EDRF1: variants seen among roughly 807,000 people sequenced by gnomAD.
The protein encoded by EDRF1 is erythroid differentiation regulatory factor 1, also known as erythroid differentiation-related factor 1.
EDRF1 carries 69 observed loss-of-function variants against 148.7 expected under a neutral mutation model. The ratio of observed to expected loss-of-function variants is 0.46; its 90% CI spans 0.38 to 0.57. EDRF1 has a LOEUF of 0.57. EDRF1 is among the 20% of genes least tolerant of loss of function. EDRF1 has a pLI of 0.00. For missense variants in EDRF1, 1,118 were observed against 1,478.7 expected (o/e 0.76, Z 4.00); for synonymous variants, 515 against 532.8 (o/e 0.97, Z 0.46).
At chr10:125,723,001 T>A in intron 2 of EDRF1, 67 bp from the exon 3 acceptor site, 1 of 1,238,526 alleles carries the variant, frequency 8.1e-7, no homozygotes, top group Non-Finnish European at 1.2e-6. Context: ...ACAGTATTGT[T>A]ATTAAGCTCT....
intron 24 of EDRF1, among the ~76,000 whole-genome samples, chr10:125,760,102 C>T (rs1282899504): frequency 1.3e-5 from 2 of 152,376 alleles, no homozygotes; most frequent in African/African-American, 2.4e-5. Context: ...TTAGCAGAGA[C>T]ATCCATCTTT....
Position 125,745,711 on chromosome 10 carries a change from C to T in EDRF1, c.2595C>T (p.Ser865=), listed in dbSNP as rs769148479. The T allele has an allele frequency of 1.2e-6, 2 of 1,614,016 alleles. No homozygotes were observed. Among genetic ancestry groups the T allele is most frequent in the Non-Finnish European group, 1.7e-6 (2 of 1,180,000 alleles). Residue 865 remains serine (S), a synonymous_variant, in exon 19 of 25, where the codon AGC becomes AGT. Coordinates refer to ENST00000356792, the MANE Select transcript of EDRF1 (RefSeq NM_001202438.2). The part of the protein sequence containing the change: ...AAALQSERLV[S]KSVSAAEQQL... Reference sequence around the variant, plus strand: ...TTTCTTTCTTTCTCTGTAAAGTGAGCAAATCTGTGTCTGCTGCCGAGCAAC... The same window carrying T: ...TTTCTTTCTTTCTCTGTAAAGTGAGTAAATCTGTGTCTGCTGCCGAGCAAC...
At chr10:125,724,342 C>G (rs1848152249) in intron 4 of EDRF1, among the ~76,000 whole-genome samples, 1 of 152,172 alleles carries the variant, frequency 6.6e-6, no homozygotes, top group Non-Finnish European at 1.5e-5. Flanking sequence ...CAGTCATGTT[C>G]CCATAATGAC....
rs1405831573 is a variant in EDRF1, at chr10:125,737,979, A to G, written c.1820A>G (p.Tyr607Cys). The change falls in exon 14 of 25, where the codon TAT becomes TGT. Residue 607 changes from tyrosine to cysteine, a missense_variant. Physicochemically the swap from Tyr to Cys is radical, Grantham distance 194 (BLOSUM62 -2). Coordinates refer to ENST00000356792, the MANE Select transcript of EDRF1 (RefSeq NM_001202438.2). The part of the protein sequence containing the change: ...TEERCRLVLS[Y>C]VLEGLKSVDS... ...GAGCGCTGTAGACTTGTGCTTAGCT[A>G]TGTTCTAGAGGTAAGTTTAAGTTTA... is the stretch of plus-strand genomic sequence containing the variant. 1.2e-6 allele frequency: 2 copies of G among 1,613,648 alleles called. No individual in the cohort carries two copies. The highest frequency in any genetic ancestry group is 2.2e-5 in the East Asian group (1 of 44,870).
At position 125,735,789 on chromosome 10, in the gene EDRF1, A is replaced by C; in HGVS notation, c.1643A>C (p.Asn548Thr). The C allele has an allele frequency of 6.2e-7, 1 of 1,613,908 alleles. No homozygotes were observed. Among genetic ancestry groups the C allele is most frequent in the Non-Finnish European group, 8.5e-7 (1 of 1,179,832 alleles). ...GAAGAGATGCCCGACAGTGATGAAA[A>C]TGGATCCTATAGCACCAGCTCTGAT... ...EEEEMPDSDENGSYSTSSDPS... is the reference protein window; with the variant it reads ...EEEEMPDSDETGSYSTSSDPS... Residue 548 changes from asparagine to threonine, a missense_variant, in exon 13 of 25, where the codon AAT becomes ACT. Coordinates refer to ENST00000356792, the MANE Select transcript of EDRF1 (RefSeq NM_001202438.2).
intron 4 of EDRF1, 55 bp from the exon 5 acceptor site, chr10:125,725,263 A>G: frequency 6.2e-7 from 1 of 1,606,494 alleles, no homozygotes; most frequent in Non-Finnish European, 8.5e-7. Flanking sequence ...AGTACTAGGT[A>G]ACATTGTTTC....
At chr10:125,749,378 G>C in intron 21 of EDRF1, 34 bp from the exon 22 acceptor site, 4 of 1,614,080 alleles carry the variant, frequency 2.5e-6, no homozygotes, top group Non-Finnish European at 3.4e-6. Context: ...TAGTTACCGT[G>C]AAGGATTTGT....
At chr10:125,759,075 C>T (rs941532906) in intron 24 of EDRF1, among the ~76,000 whole-genome samples, 1 of 152,254 alleles carries the variant, frequency 6.6e-6, no homozygotes. Context: ...GCTGCTGTTA[C>T]CCTGTCATAG....
At chr10:125,725,862 A>G in intron 6 of EDRF1, 24 bp downstream of exon 6, 1 of 1,609,796 alleles carries the variant, frequency 6.2e-7, no homozygotes. Context: ...TGCTAATTCT[A>G]GAAACTCACA....
intron 21 of EDRF1, 171 bp from the exon 22 acceptor site, chr10:125,749,241 C>T: frequency 2.8e-6 from 2 of 713,676 alleles, no homozygotes; most frequent in South Asian, 1.8e-5. Context: ...GAGCGAGACC[C>T]TGTCTCAAAA....
chr10:125,720,894 C>T (rs925005983), intron 1 of EDRF1, among the ~76,000 whole-genome samples: 3 of 151,918 alleles, frequency 2.0e-5, no homozygotes, highest in Non-Finnish European at 4.4e-5. Context: ...TAACATGATA[C>T]CATTGAGTCT....
At chr10:125,742,059 CA>C (rs1365144581) in intron 17 of EDRF1, among the ~76,000 whole-genome samples, 3 of 152,204 alleles carry the variant, frequency 2.0e-5, no homozygotes, top group Non-Finnish European at 4.4e-5. Context: ...AGTCAGCTAA[CA>C]AAGCCATAGG....
intron 2 of EDRF1, among the ~76,000 whole-genome samples, chr10:125,722,476 A>G (rs748625093): frequency 6.6e-5 from 10 of 152,200 alleles, no homozygotes; most frequent in Non-Finnish European, 1.2e-4. Flanking sequence ...AGTAGTTGGA[A>G]CATGGTGATG....
chr10:125,746,877 C>T (rs1242208678), intron 19 of EDRF1: 1 of 152,188 alleles, frequency 6.6e-6, no homozygotes, highest in Non-Finnish European at 1.5e-5. Flanking sequence ...ATGGTCACAC[C>T]CACTGTTGGA....
intron 24 of EDRF1, among the ~76,000 whole-genome samples, chr10:125,756,463 ATT>A (rs1849902527): frequency 2.6e-5 from 4 of 152,176 alleles, no homozygotes; most frequent in African/African-American, 9.7e-5. Context: ...TGTTCATAGT[ATT>A]GTTCAGGTCT....
intron 24 of EDRF1, among the ~76,000 whole-genome samples, chr10:125,762,924 G>C (rs537696386): frequency 6.6e-6 from 1 of 152,168 alleles, no homozygotes; most frequent in East Asian, 1.9e-4. Flanking sequence ...TCACTCTCTT[G>C]TTTACTATGG....
At chr10:125,740,407 A>C in intron 15 of EDRF1, 56 bp from the exon 16 acceptor site, 1 of 1,570,780 alleles carries the variant, frequency 6.4e-7, no homozygotes, top group Non-Finnish European at 8.7e-7. Flanking sequence ...TTTTTTGTGC[A>C]TGAGACTTAC....
chr10:125,744,814 G>C (rs1247908218), intron 18 of EDRF1: 1 of 152,230 alleles, frequency 6.6e-6, no homozygotes, highest in African/African-American at 2.4e-5. Context: ...ACTTATCCTT[G>C]GAGGATGCGT....
chr10:125,727,316 A>G (rs757916353), intron 6 of EDRF1, among the ~76,000 whole-genome samples: 3 of 152,202 alleles, frequency 2.0e-5, no homozygotes, highest in Admixed American at 1.3e-4. Context: ...CTTTTCTTAT[A>G]TTGCTTAAAT....
Sources: gnomAD v4.1 joint callset for allele counts (sites outside exome capture counted in the v4.1 genomes callset) on GRCh38, gnomAD v4.1.1 for gene constraint, MANE v1.5 for transcripts, NCBI Gene and HGNC (gene_info 2026-07-23, HGNC 2026-07-21) for gene names.